The following GLMN variants were observed in gnomAD, a reference collection of about 807,000 sequenced individuals.
The protein encoded by GLMN is glomulin.
In GLMN, 75 loss-of-function variants were observed where a neutral mutation model predicts 87.8. That is an observed-to-expected ratio of 0.85 (90% confidence interval 0.71 to 1.04). The LOEUF (loss-of-function observed/expected upper bound fraction) is 1.04, where lower values mean the gene tolerates loss of function less well. Ranked by LOEUF, GLMN falls within the 50% of genes least tolerant of loss-of-function variation. The pLI is 0.00. For synonymous variants in GLMN, 206 were observed against 221.6 expected (o/e 0.93, Z 0.63); for missense variants, 588 against 658.8 (o/e 0.89, Z 1.18).
intron 16 of GLMN, among the ~76,000 whole-genome samples, chr1:92,253,591 T>C (rs1412977523): frequency 6.6e-6 from 1 of 152,214 alleles, no homozygotes; most frequent in East Asian, 1.9e-4. Context: ...CAATCTTTGC[T>C]GTTCTGCAGC....
chr1:92,260,326 T>C (rs1194272606), intron 16 of GLMN, among the ~76,000 whole-genome samples: 1 of 152,052 alleles, frequency 6.6e-6, no homozygotes, highest in East Asian at 1.9e-4. Context: ...AAATGAGAGA[T>C]GCCTGTTGGC....
the GLMN span, among the ~76,000 whole-genome samples, chr1:92,316,010 A>T: frequency 1.2e-4 from 18 of 152,220 alleles, no homozygotes; most frequent in Non-Finnish European, 2.5e-4. Flanking sequence ...CACATAGGTA[A>T]TTATATAGTT....
the GLMN span, among the ~76,000 whole-genome samples, chr1:92,354,721 G>T: frequency 6.6e-6 from 1 of 151,884 alleles, no homozygotes; most frequent in Non-Finnish European, 1.5e-5. Context: ...GTTCTGAAAT[G>T]GAAAGTTCAT....
intron 17 of GLMN, 27 bp downstream of exon 17, chr1:92,247,851 T>C (rs2100767948): frequency 2.3e-6 from 2 of 865,434 alleles, no homozygotes; most frequent in Non-Finnish European, 2.0e-6. Flanking sequence ...TTAGACCTAA[T>C]TGAAAACAAA....
chr1:92,292,955 G>A (rs533451183), intron 3 of GLMN, among the ~76,000 whole-genome samples: 6 of 151,762 alleles, frequency 4.0e-5, no homozygotes, highest in South Asian at 2.1e-4. Flanking sequence ...CCTGGGAGGC[G>A]AGGTAGCAGT....
chr1:92,298,755 C>T lies in GLMN; in HGVS notation c.-31+170G>A, dbSNP rs1650492177. Reference sequence around the variant, plus strand: ...GCTGGAAGGCGAGTGAACACCCCAGCGCGCGTGCGGGCTGCATCAGAGGAA... The same window carrying T: ...GCTGGAAGGCGAGTGAACACCCCAGTGCGCGTGCGGGCTGCATCAGAGGAA... On this transcript the variant is annotated intron_variant, in intron 1 of 18. Coordinates refer to ENST00000370360, the MANE Select transcript of GLMN (RefSeq NM_053274.3). Among the ~76,000 whole-genome samples the T allele has an allele frequency of 3.3e-5, 5 of 152,264 alleles. No homozygotes were observed. In the South Asian group the frequency reaches 6.2e-4, roughly 19 times the overall value.
chr1:92,303,167 C>T (rs1650982110), upstream of GLMN, among the ~76,000 whole-genome samples: 1 of 152,166 alleles, frequency 6.6e-6, no homozygotes, highest in South Asian at 2.1e-4. Flanking sequence ...AAAAACACTT[C>T]TTAGTGTAGT....
chr1:92,248,134 A>G (rs1652943358), intron 16 of GLMN, 145 bp from the exon 17 acceptor site: 1 of 608,126 alleles, frequency 1.6e-6, no homozygotes, highest in South Asian at 1.9e-5. Context: ...AATTATTACT[A>G]TAGCTAGTTA....
At chr1:92,304,080 G>C in the GLMN span, 1 of 1,580,448 alleles carries the variant, frequency 6.3e-7, no homozygotes, top group Non-Finnish European at 8.6e-7. Flanking sequence ...GGAATTGTAA[G>C]TAACTCATTT....
chr1:92,266,638 A>C, intron 12 of GLMN, 62 bp downstream of exon 12: 1 of 1,310,220 alleles, frequency 7.6e-7, no homozygotes, highest in East Asian at 2.3e-5. Context: ...AAGAAAATTA[A>C]ATTATTTGTC....
intron 7 of GLMN, among the ~76,000 whole-genome samples, chr1:92,282,756 A>G (rs1557553830): frequency 6.6e-6 from 1 of 152,212 alleles, no homozygotes; most frequent in South Asian, 2.1e-4. Flanking sequence ...GAAAAGAGAG[A>G]AGAATCAAAT....
At chr1:92,366,228 A>G in the GLMN span, among the ~76,000 whole-genome samples, 1 of 152,166 alleles carries the variant, frequency 6.6e-6, no homozygotes, top group South Asian at 2.1e-4. Context: ...GCTTGAGCCC[A>G]GGAGTTTGAG....
chr1:92,339,779 T>C, the GLMN span, among the ~76,000 whole-genome samples: 1 of 152,180 alleles, frequency 6.6e-6, no homozygotes, highest in South Asian at 2.1e-4. Context: ...ACTGCAGATA[T>C]GAGGAGACAT....
At chr1:92,293,110 A>G (rs568466670) in intron 3 of GLMN, among the ~76,000 whole-genome samples, 7 of 152,114 alleles carry the variant, frequency 4.6e-5, no homozygotes, top group Non-Finnish European at 8.8e-5. Context: ...AAACAACACT[A>G]AAGGAAAAAA....
intron 16 of GLMN, among the ~76,000 whole-genome samples, chr1:92,255,111 T>C (rs900214790): frequency 6.7e-6 from 1 of 150,044 alleles, no homozygotes; most frequent in Non-Finnish European, 1.5e-5. Context: ...GTTGCAGTCC[T>C]AGTGTCTGAT....
the GLMN span, among the ~76,000 whole-genome samples, chr1:92,361,737 T>C: frequency 6.6e-6 from 1 of 152,214 alleles, no homozygotes; most frequent in East Asian, 1.9e-4. Context: ...AATGTGAGAT[T>C]ATCTTTTAAT....
chr1:92,269,639 A>G, intron 9 of GLMN, 84 bp downstream of exon 9: 1 of 890,026 alleles, frequency 1.1e-6, no homozygotes, highest in Non-Finnish European at 1.9e-6. Flanking sequence ...GAGCTTAGCA[A>G]AGAAAAGGCA....
intron 7 of GLMN, among the ~76,000 whole-genome samples, chr1:92,279,846 C>T (rs556168524): frequency 2.6e-5 from 4 of 152,378 alleles, no homozygotes; most frequent in South Asian, 2.1e-4. Context: ...CAGAGCCTTG[C>T]GCACTGCTAG....
At chr1:92,347,024 A>T in the GLMN span, among the ~76,000 whole-genome samples, 1 of 152,120 alleles carries the variant, frequency 6.6e-6, no homozygotes, top group South Asian at 2.1e-4. Context: ...CTGACATGTT[A>T]TTCTGGCTTT....
Sources: allele counts gnomAD v4.1 joint callset (sites outside exome capture counted in the v4.1 genomes callset), GRCh38; gene constraint gnomAD v4.1.1; transcripts MANE v1.5; gene names NCBI Gene and HGNC (gene_info 2026-07-23, HGNC 2026-07-21).